Variants in CD84 observed in about 807,000 individuals in gnomAD.
The protein encoded by CD84 is CD84 molecule.
In CD84, 22 loss-of-function variants were observed where a neutral mutation model predicts 33.8. The ratio of observed to expected loss-of-function variants is 0.65; its 90% CI spans 0.46 to 0.93. The LOEUF (loss-of-function observed/expected upper bound fraction) is 0.93, where lower values mean the gene tolerates loss of function less well. Among genes scored for constraint, CD84 ranks in the 40% least tolerant of loss-of-function variants. The pLI is 0.00. For missense variants in CD84, 400 were observed against 397.6 expected, an observed-to-expected ratio of 1.01 and a Z score of -0.05; for synonymous variants, 154 against 145.2, an observed-to-expected ratio of 1.06 and a Z score of -0.44.
At chr1:160,553,288 G>A (rs756843007) in intron 4 of CD84, 90 bp downstream of exon 4, 4 of 1,605,052 alleles carry the variant, frequency 2.5e-6, no homozygotes, top group Non-Finnish European at 3.4e-6. Context: ...CTGGAACAAT[G>A]GGCCTTTCAG....
intron 6 of CD84, 54 bp from the exon 7 acceptor site, chr1:160,548,375 C>T: frequency 6.3e-7 from 1 of 1,592,496 alleles, no homozygotes. Context: ...TGCTGGGGAA[C>T]TCCAGTCCTG....
chr1:160,548,366 G>T (rs1655960970), intron 6 of CD84, 45 bp from the exon 7 acceptor site: 1 of 1,602,836 alleles, frequency 6.2e-7, no homozygotes, highest in East Asian at 2.2e-5. Context: ...GAGAGGTGCT[G>T]CTGGGGAACT....
At position 160,543,602 on chromosome 1, in the gene CD84, T is replaced by TTATTA. The variant is rs1553230402; in HGVS notation, c.*4653_*4654insTAATA. 2 of 142,702 alleles carry TTATTA rather than the reference T, an allele frequency of 1.4e-5. No individual in the cohort carries two copies. Among genetic ancestry groups the TTATTA allele is most frequent in the Non-Finnish European group, 3.0e-5 (2 of 65,994 alleles). 8.8% of individuals were successfully genotyped at this position (142,702 alleles called of 1,614,324 possible). A position where few individuals can be genotyped will look rare whatever the true frequency, so the allele number is the denominator to read the frequency against. On this transcript the variant is annotated 3_prime_UTR_variant, in exon 7 of 7. Coordinates refer to ENST00000368054, the MANE Select transcript of CD84 (RefSeq NM_003874.4). ...ATCTTCAAGGAGCTCTCCATTATTA[T>TTATTA]TTATTATTATTATTATTATTATTAT...
chr1:160,552,353 C>T (rs1656289303), intron 4 of CD84, among the ~76,000 whole-genome samples: 2 of 152,170 alleles, frequency 1.3e-5, no homozygotes, highest in South Asian at 4.2e-4. Flanking sequence ...AAATCCCCTC[C>T]CCCCTAGAAT....
chr1:160,549,487 G>T (rs1459708626), intron 6 of CD84, among the ~76,000 whole-genome samples: 1 of 152,224 alleles, frequency 6.6e-6, no homozygotes, highest in African/African-American at 2.4e-5. Flanking sequence ...TGTGGTAAAA[G>T]AGCAGCTGAG....
intron 1 of CD84, among the ~76,000 whole-genome samples, chr1:160,569,078 C>T (rs1350425534): frequency 6.6e-6 from 1 of 152,210 alleles, no homozygotes; most frequent in Non-Finnish European, 1.5e-5. Context: ...TAACATTCAT[C>T]GTATGTTCTT....
intron 2 of CD84, among the ~76,000 whole-genome samples, chr1:160,560,161 A>T (rs1297802002): frequency 6.6e-6 from 1 of 152,122 alleles, no homozygotes; most frequent in Non-Finnish European, 1.5e-5. Context: ...ACCTCTACAG[A>T]ACTCTCCACC....
chr1:160,543,082 A>T lies in CD84; in HGVS notation c.*5174T>A, dbSNP rs1447426789. The T allele has an allele frequency of 6.6e-6, 1 of 152,198 alleles. No individual in the cohort carries two copies. Among genetic ancestry groups the T allele is most frequent in the Non-Finnish European group, 1.5e-5 (1 of 68,022 alleles). The allele number at this position is 152,198 out of a possible 1,614,324, so 9.4% of individuals were successfully genotyped here. ...TGAAACCCCTGCCTGTCCAAAATGC[A>T]TATAGAGAGCTCTATCCAACCTTCT... On this transcript the variant is annotated 3_prime_UTR_variant, in exon 7 of 7. Coordinates refer to ENST00000368054, the MANE Select transcript of CD84 (RefSeq NM_003874.4).
At chr1:160,559,149 A>G (rs1304385363) in intron 2 of CD84, among the ~76,000 whole-genome samples, 1 of 152,182 alleles carries the variant, frequency 6.6e-6, no homozygotes, top group African/African-American at 2.4e-5. Flanking sequence ...GAGATACTCC[A>G]TGAGAAAATC....
At chr1:160,560,001 C>A (rs1656847752) in intron 2 of CD84, among the ~76,000 whole-genome samples, 1 of 152,016 alleles carries the variant, frequency 6.6e-6, no homozygotes, top group South Asian at 2.1e-4. Flanking sequence ...AAAGCAAGTT[C>A]TTAGAGATCT....
rs1388312537 is a variant in CD84, at chr1:160,564,159, A to C, written c.388+1245T>G. On this transcript the variant is annotated intron_variant, in intron 2 of 6. Coordinates refer to ENST00000368054, the MANE Select transcript of CD84 (RefSeq NM_003874.4). ...AATTGTGGCAATTATAATGATGATA[A>C]CAAATAGTTATAATATTTTACCTTT... is the stretch of plus-strand genomic sequence containing the variant. Among the ~76,000 whole-genome samples, 4 of 152,312 alleles carry C rather than the reference A, an allele frequency of 2.6e-5. No individual in the cohort carries two copies. The South Asian group carries it at 8.3e-4, about 32-fold the overall frequency.
rs1655892841 is a variant in CD84 at position 160,547,436 on chromosome 1, A to G, written c.*820T>C. ...AAATCTTGGCCAGAAAGAAAATCCT[A>G]TAAGGCTTCTGAAGTAGCACTCCAA... is the stretch of plus-strand genomic sequence containing the variant. On this transcript the variant is annotated 3_prime_UTR_variant, in exon 7 of 7. Coordinates refer to ENST00000368054, the MANE Select transcript of CD84 (RefSeq NM_003874.4). 2.7e-6 allele frequency: 1 copy of G among 369,066 alleles called. No individual in the cohort carries two copies. 22.9% of individuals were successfully genotyped at this position (369,066 alleles called of 1,614,324 possible). A position where few individuals can be genotyped will look rare whatever the true frequency, so the allele number is the denominator to read the frequency against.
intron 4 of CD84, 69 bp from the exon 5 acceptor site, chr1:160,551,104 T>A (rs951976536): frequency 1.1e-5 from 12 of 1,132,994 alleles, no homozygotes; most frequent in Non-Finnish European, 1.5e-5. Context: ...TCTATTCCAA[T>A]GTTCTCTTTT....
chr1:160,548,326 G>C lies in CD84; in HGVS notation c.922-5C>G, dbSNP rs1383830300. The C allele has an allele frequency of 6.2e-7, 1 of 1,614,068 alleles. No individual in the cohort carries two copies. The highest frequency in any genetic ancestry group is 1.7e-5 in the Admixed American group (1 of 60,002). ...CTGTGTGCTGGCTTTCCCCATCTGT[G>C]CAGGAGAGAAGCGTGAGAAAATGTT... On this transcript the variant is annotated splice_region_variant and splice_polypyrimidine_tract_variant and intron_variant, in intron 6 of 6. Coordinates refer to ENST00000368054, the MANE Select transcript of CD84 (RefSeq NM_003874.4).
At chr1:160,558,429 A>G (rs538881355) in intron 2 of CD84, among the ~76,000 whole-genome samples, 3 of 152,328 alleles carry the variant, frequency 2.0e-5, no homozygotes, top group Non-Finnish European at 2.9e-5. Flanking sequence ...AAAAACCAAC[A>G]AACAGAAAAC....
rs1230721752 is a variant in CD84, at chr1:160,547,419, G to A, written c.*837C>T. ...TGGAGTGATACAGAAGGAAATCTTG[G>A]CCAGAAAGAAAATCCTATAAGGCTT... On this transcript the variant is annotated 3_prime_UTR_variant, in exon 7 of 7. Coordinates refer to ENST00000368054, the MANE Select transcript of CD84 (RefSeq NM_003874.4). The A allele has an allele frequency of 2.1e-5, 8 of 385,368 alleles. No individual in the cohort carries two copies. The highest frequency in any genetic ancestry group is 3.7e-5 in the Non-Finnish European group (8 of 218,378). 23.9% of individuals were successfully genotyped at this position (385,368 alleles called of 1,614,324 possible).
At chr1:160,553,004 A>G (rs1356821024) in intron 4 of CD84, 3 of 571,640 alleles carry the variant, frequency 5.2e-6, no homozygotes, top group Non-Finnish European at 9.4e-6. Context: ...TCCAATAGTC[A>G]TAATCAAAAT....
In CD84 at chr1:160,565,619, G is replaced by A; in HGVS notation, c.173C>T (p.Thr58Ile). The A allele has an allele frequency of 6.2e-7, 1 of 1,613,978 alleles. No homozygotes were observed. The highest frequency in any genetic ancestry group is 8.5e-7 in the Non-Finnish European group (1 of 1,179,896). Reference sequence around the variant, plus strand: ...TCCTGGTGTTACATAAGCAACAGATGTTTTAGAAGTCCAAGCAATGATTTT... The same window carrying A: ...TCCTGGTGTTACATAAGCAACAGATATTTTAGAAGTCCAAGCAATGATTTT... ...QVKIIAWTSK[T>I]SVAYVTPGDS... Residue 58 changes from threonine (T) to isoleucine (I), a missense_variant, in exon 2 of 7, where the codon ACA becomes ATA. Coordinates refer to ENST00000368054, the MANE Select transcript of CD84 (RefSeq NM_003874.4).
chr1:160,568,132 CAG>C (rs930490914), intron 1 of CD84, among the ~76,000 whole-genome samples: 1 of 152,092 alleles, frequency 6.6e-6, no homozygotes, highest in Non-Finnish European at 1.5e-5. Flanking sequence ...AGGAGAGAGA[CAG>C]AACATAGATT....
Sources: allele counts gnomAD v4.1 joint callset (sites outside exome capture counted in the v4.1 genomes callset), GRCh38; gene constraint gnomAD v4.1.1; transcripts MANE v1.5; gene names NCBI Gene and HGNC (gene_info 2026-07-23, HGNC 2026-07-21).